Variants in EHF observed in about 807,000 individuals in gnomAD.
EHF encodes ESE3 transcription factor.
In EHF, 14 loss-of-function variants were observed where a neutral mutation model predicts 45.1. The observed-to-expected ratio is 0.31, with a 90% CI of 0.21 to 0.49. The LOEUF is 0.49. Ranked by LOEUF, EHF falls within the 20% of genes least tolerant of loss-of-function variation. The pLI, the probability that EHF is intolerant of heterozygous loss-of-function variation, is 0.99. For missense variants in EHF, 282 were observed against 371.4 expected (o/e 0.76, Z 1.98); for synonymous variants, 136 against 131.8 (o/e 1.03, Z -0.22).
At chr11:34,640,897 G>A (rs747645652) in intron 1 of EHF, among the ~76,000 whole-genome samples, 16 of 152,146 alleles carry the variant, frequency 1.1e-4, no homozygotes, top group Non-Finnish European at 2.2e-4. Context: ...TTTGTGCCAG[G>A]TGCTCGAGGT....
intron 1 of EHF, among the ~76,000 whole-genome samples, chr11:34,628,391 A>G (rs1172317920): frequency 6.6e-6 from 1 of 152,204 alleles, no homozygotes; most frequent in Non-Finnish European, 1.5e-5. Context: ...TAAAAATATT[A>G]TTTTGAGAAG....
chr11:34,628,772 C>T (rs186765749), intron 1 of EHF, among the ~76,000 whole-genome samples: 15 of 152,264 alleles, frequency 9.9e-5, no homozygotes, highest in East Asian at 7.7e-4. Context: ...TGCCCACCCA[C>T]GGTAATGAAA....
rs140592681 is a variant in EHF, at chr11:34,637,285, G to T, written c.-3-5343G>T. On this transcript the variant is annotated intron_variant, in intron 1 of 8. Transcript: ENST00000257831. The stretch of plus-strand genomic sequence containing the variant: ...CAGGCTGTGCATGGTGGTCAGGGTG[G>T]TGCTTTTCTGGAAGCAAGCCCTTGG... Among the ~76,000 whole-genome samples, 27 of 152,252 alleles carry T rather than the reference G, an allele frequency of 1.8e-4. 2 individuals are homozygous for T. In the East Asian group the frequency reaches 5.2e-3, roughly 29 times the overall value.
At chr11:34,650,184 T>C (rs1855002815) in intron 4 of EHF, among the ~76,000 whole-genome samples, 1 of 151,912 alleles carries the variant, frequency 6.6e-6, no homozygotes, top group Admixed American at 6.6e-5. Context: ...ACTGGAGAGG[T>C]CCCAAATAAC....
chr11:34,645,593 A>G (rs1854432668), intron 2 of EHF, among the ~76,000 whole-genome samples: 1 of 152,174 alleles, frequency 6.6e-6, no homozygotes, highest in Non-Finnish European at 1.5e-5. Context: ...AATACCAAGC[A>G]TGTCTCCTGG....
chr11:34,631,495 A>C, intron 1 of EHF: 4 of 843,718 alleles, frequency 4.7e-6, no homozygotes, highest in Non-Finnish European at 5.7e-6. Context: ...CAAATTAATG[A>C]GAAGTGAGCA....
chr11:34,646,303 C>A, intron 2 of EHF, 136 bp from the exon 3 acceptor site: 1 of 1,383,526 alleles, frequency 7.2e-7, no homozygotes, highest in Non-Finnish European at 9.9e-7. Context: ...ACTTCTGCTC[C>A]ATCACCCATG....
intron 1 of EHF, among the ~76,000 whole-genome samples, chr11:34,632,144 G>T (rs117875964): frequency 6.6e-6 from 1 of 152,188 alleles, no homozygotes; most frequent in East Asian, 1.9e-4. Flanking sequence ...AAATTGGCAT[G>T]AACACTCAGT....
chr11:34,624,498 T>A (rs1190285951), intron 1 of EHF, among the ~76,000 whole-genome samples: 1 of 152,224 alleles, frequency 6.6e-6, no homozygotes, highest in African/African-American at 2.4e-5. Context: ...AATAGATTTG[T>A]TCTAAAGAGC....
chr11:34,652,518 C>T (rs1855270460), intron 6 of EHF, among the ~76,000 whole-genome samples: 1 of 152,176 alleles, frequency 6.6e-6, no homozygotes, highest in Non-Finnish European at 1.5e-5. Flanking sequence ...CAAATAGGTG[C>T]ATTGGCGTGT....
chr11:34,638,095 T>A (rs985462912), intron 1 of EHF, among the ~76,000 whole-genome samples: 2 of 152,086 alleles, frequency 1.3e-5, no homozygotes, highest in African/African-American at 4.8e-5. Flanking sequence ...AGAGACAGGG[T>A]TTCACCATGT....
intron 2 of EHF, among the ~76,000 whole-genome samples, 156 bp from the exon 3 acceptor site, chr11:34,646,283 A>G (rs1350462197): frequency 6.6e-6 from 1 of 152,112 alleles, no homozygotes; most frequent in East Asian, 1.9e-4. Context: ...TAGGGAGGAC[A>G]TGAAAATGCA....
chr11:34,657,935 G>A (rs1334398767), intron 7 of EHF, among the ~76,000 whole-genome samples: 2 of 152,106 alleles, frequency 1.3e-5, no homozygotes, highest in Non-Finnish European at 2.9e-5. Context: ...TTCAGTGGGA[G>A]TAAAGTTGAA....
Position 34,659,132 on chromosome 11 carries a change from T to TG in EHF, c.*205dup, listed in dbSNP as rs1198514661. Reference sequence around the variant, plus strand: ...TTGTTACTTCGAAGTATGTCCTATATGGGGAAAAAACGTACACAGTTTTCT... The same window carrying TG: ...TTGTTACTTCGAAGTATGTCCTATATGGGGGAAAAAACGTACACAGTTTTCT... On this transcript the variant is annotated 3_prime_UTR_variant, in exon 9 of 9. Transcript: ENST00000257831. 1.9e-5 allele frequency: 9 copies of TG among 478,220 alleles called. No individual in the cohort carries two copies. Among genetic ancestry groups the TG allele is most frequent in the African/African-American group, 1.8e-4 (9 of 50,116 alleles). The allele number at this position is 478,220 out of a possible 1,614,324, so 29.6% of individuals were successfully genotyped here.
At chr11:34,651,505 GAGA>G (rs753051350) in intron 4 of EHF, 34 bp from the exon 5 acceptor site, 9 of 773,396 alleles carry the variant, frequency 1.2e-5, no homozygotes, top group Non-Finnish European at 1.5e-5. Flanking sequence ...CTGGGGAAAA[GAGA>G]TCGCTGACTA....
At chr11:34,632,827 T>G (rs925487704) in intron 1 of EHF, among the ~76,000 whole-genome samples, 1 of 152,196 alleles carries the variant, frequency 6.6e-6, no homozygotes, top group African/African-American at 2.4e-5. Flanking sequence ...CTATGTTTTG[T>G]TAACTATTGT....
At chr11:34,654,727 A>AT (rs1028394776) in intron 6 of EHF, among the ~76,000 whole-genome samples, 2 of 152,106 alleles carry the variant, frequency 1.3e-5, no homozygotes, top group African/African-American at 2.4e-5. Flanking sequence ...ATATATGTGC[A>AT]TTTTTTTCTG....
chr11:34,629,831 A>G (rs1277040613), intron 1 of EHF, among the ~76,000 whole-genome samples: 2 of 149,298 alleles, frequency 1.3e-5, no homozygotes, highest in Admixed American at 6.7e-5. Flanking sequence ...CTTCCAAAAG[A>G]GCCATAATTC....
chr11:34,658,957 C>T lies in EHF; in HGVS notation c.*26C>T. The T allele has an allele frequency of 2.0e-6, 3 of 1,520,480 alleles. No homozygotes were observed. The South Asian group carries it at 3.5e-5, about 18-fold the overall frequency. 94.2% of individuals were successfully genotyped at this position (1,520,480 alleles called of 1,614,324 possible). A position where few individuals can be genotyped will look rare whatever the true frequency, so the allele number is the denominator to read the frequency against. ...AGCTGCCAATACTTTGGACACAAACCAAAACACACACCAAATAATCAGAAA... is the reference window on the plus strand; with the variant it reads ...AGCTGCCAATACTTTGGACACAAACTAAAACACACACCAAATAATCAGAAA... On this transcript the variant is annotated 3_prime_UTR_variant, in exon 9 of 9. Coordinates refer to ENST00000257831, the MANE Select transcript of EHF (RefSeq NM_012153.6).
Sources: allele counts gnomAD v4.1 joint callset (sites outside exome capture counted in the v4.1 genomes callset), GRCh38; gene constraint gnomAD v4.1.1; transcripts MANE v1.5; gene names NCBI Gene and HGNC (gene_info 2026-07-23, HGNC 2026-07-21).